CHST9: variants seen among roughly 807,000 people sequenced by gnomAD.
The protein encoded by CHST9 is GalNAc-4-sulfotransferase 2.
Under a neutral mutation model 44.4 loss-of-function variants are expected in CHST9, and 41 were observed. The observed-to-expected ratio is 0.92, with a 90% confidence interval of 0.72 to 1.20. CHST9 has a LOEUF of 1.20. Ranked by LOEUF, CHST9 falls within the 50% of genes most tolerant of loss-of-function variation. CHST9 has a pLI of 0.00. For synonymous variants in CHST9, 171 were observed against 178.4 expected, an observed-to-expected ratio of 0.96 and a Z score of 0.33; for missense variants, 504 against 516.5, an observed-to-expected ratio of 0.98 and a Z score of 0.23.
At chr18:27,017,510 G>A (rs1290947295) in intron 4 of CHST9, among the ~76,000 whole-genome samples, 1 of 152,190 alleles carries the variant, frequency 6.6e-6, no homozygotes, top group Non-Finnish European at 1.5e-5. Flanking sequence ...AGTACATGCT[G>A]TGTGATTCCA....
chr18:27,081,843 A>G (rs1421869222), intron 2 of CHST9, among the ~76,000 whole-genome samples: 1 of 152,246 alleles, frequency 6.6e-6, no homozygotes, highest in Non-Finnish European at 1.5e-5. Flanking sequence ...GAACTGCCTG[A>G]AAATAGTCAG....
chr18:27,041,409 G>A (rs1361392476), intron 3 of CHST9, among the ~76,000 whole-genome samples: 1 of 152,102 alleles, frequency 6.6e-6, no homozygotes, highest in Admixed American at 6.6e-5. Flanking sequence ...AGTCAACACA[G>A]ATTAAAGTTT....
At position 26,916,460 on chromosome 18, in the gene CHST9, G is replaced by A; in HGVS notation, c.1131C>T (p.Ala377=). 1.2e-6 allele frequency: 2 copies of A among 1,613,570 alleles called. No homozygotes were observed. The highest frequency in any genetic ancestry group is 1.7e-6 in the Non-Finnish European group (2 of 1,179,670). The stretch of plus-strand genomic sequence containing the variant: ...CACCGATCATCTGTAAAAAGTAATT[G>A]GCATCTTCTTCCAAAGTCTCAAATT... The part of the protein sequence containing the change: ...VGKFETLEED[A]NYFLQMIGAP... Residue 377 remains alanine, a synonymous_variant, in exon 6 of 6, where the codon GCC becomes GCT. Coordinates refer to ENST00000618847, the MANE Select transcript of CHST9 (RefSeq NM_031422.6).
intron 4 of CHST9, among the ~76,000 whole-genome samples, chr18:26,988,499 C>T (rs1226565375): frequency 1.3e-5 from 2 of 152,072 alleles, no homozygotes; most frequent in Non-Finnish European, 2.9e-5. Context: ...AAGGACAAAA[C>T]AATGCTAAGT....
At chr18:27,156,048 G>A (rs1349364935) in intron 1 of CHST9, among the ~76,000 whole-genome samples, 1 of 151,800 alleles carries the variant, frequency 6.6e-6, no homozygotes, top group Non-Finnish European at 1.5e-5. Flanking sequence ...AACCGAGATA[G>A]GATATTATCA....
intron 2 of CHST9, among the ~76,000 whole-genome samples, chr18:27,131,171 C>A (rs1212292798): frequency 2.6e-5 from 4 of 152,192 alleles, no homozygotes; most frequent in Non-Finnish European, 4.4e-5. Flanking sequence ...TTGTTAATAT[C>A]TCTGTAAACT....
chr18:27,095,766 G>A (rs111436601), intron 2 of CHST9, among the ~76,000 whole-genome samples: 22 of 152,136 alleles, frequency 1.4e-4, no homozygotes, highest in African/African-American at 5.3e-4. Flanking sequence ...ACCTAAAATT[G>A]GAGCACCCAG....
chr18:26,994,244 C>T (rs531619884), intron 4 of CHST9, among the ~76,000 whole-genome samples: 1 of 152,176 alleles, frequency 6.6e-6, no homozygotes, highest in African/African-American at 2.4e-5. Context: ...AGATTTTACA[C>T]ATCAATGTAT....
At chr18:27,158,992 G>A (rs185129528) in intron 1 of CHST9, among the ~76,000 whole-genome samples, 48,158 of 151,888 alleles carry the variant, frequency 0.32, 8,271 homozygotes, top group Non-Finnish European at 0.39. Flanking sequence ...TGAGTTCTTT[G>A]TAGATTCTGG....
intron 4 of CHST9, among the ~76,000 whole-genome samples, chr18:26,966,937 T>A (rs2056472893): frequency 6.7e-6 from 1 of 149,930 alleles, no homozygotes; most frequent in Non-Finnish European, 1.5e-5. Flanking sequence ...GAAATTGACA[T>A]GATTTCCTAA....
intron 4 of CHST9, among the ~76,000 whole-genome samples, chr18:26,953,127 T>C (rs1034844331): frequency 5.9e-5 from 9 of 152,250 alleles, no homozygotes; most frequent in African/African-American, 2.2e-4. Flanking sequence ...ATCTGTATTG[T>C]ACTATCTATT....
At chr18:27,050,938 TG>T (rs2057559301) in intron 2 of CHST9, among the ~76,000 whole-genome samples, 1 of 152,218 alleles carries the variant, frequency 6.6e-6, no homozygotes, top group South Asian at 2.1e-4. Flanking sequence ...TTCTGAAAGT[TG>T]GAAGTGTATG....
intron 2 of CHST9, among the ~76,000 whole-genome samples, chr18:27,125,236 C>T (rs1215799791): frequency 6.6e-6 from 1 of 152,098 alleles, no homozygotes; most frequent in Non-Finnish European, 1.5e-5. Context: ...CTAATTTATA[C>T]AAACTAGCTA....
chr18:26,936,692 G>A (rs1028695535), intron 5 of CHST9: 2 of 152,048 alleles, frequency 1.3e-5, no homozygotes, highest in African/African-American at 4.8e-5. Context: ...CAGTTACTCA[G>A]TTCATCTTCT....
chr18:26,973,444 T>C (rs990148193), intron 4 of CHST9, among the ~76,000 whole-genome samples: 3 of 152,304 alleles, frequency 2.0e-5, no homozygotes, highest in African/African-American at 4.8e-5. Context: ...CGGGTTCAAG[T>C]AGTCTCATAA....
At chr18:27,065,222 A>C (rs1480351882) in intron 2 of CHST9, among the ~76,000 whole-genome samples, 2 of 152,222 alleles carry the variant, frequency 1.3e-5, no homozygotes, top group Non-Finnish European at 2.9e-5. Flanking sequence ...GGAATGTAAG[A>C]ATCTTCGAGG....
intron 1 of CHST9, among the ~76,000 whole-genome samples, chr18:27,155,764 G>A (rs2058694361): frequency 6.6e-6 from 1 of 152,092 alleles, no homozygotes; most frequent in African/African-American, 2.4e-5. Flanking sequence ...ATTCTAGTTT[G>A]TTAATACCTT....
At chr18:27,106,782 A>T (rs1292177375) in intron 2 of CHST9, among the ~76,000 whole-genome samples, 1 of 152,214 alleles carries the variant, frequency 6.6e-6, no homozygotes, top group Non-Finnish European at 1.5e-5. Flanking sequence ...TTCACAATGA[A>T]CAATTTACCA....
chr18:27,153,572 G>GTGTA (rs1472260892), intron 1 of CHST9, among the ~76,000 whole-genome samples: 13 of 150,444 alleles, frequency 8.6e-5, no homozygotes, highest in South Asian at 6.3e-4. Context: ...GTGTGTATGT[G>GTGTA]TGTGTGTGTG....
Sources: allele counts gnomAD v4.1 joint callset (sites outside exome capture counted in the v4.1 genomes callset), GRCh38; gene constraint gnomAD v4.1.1; transcripts MANE v1.5; gene names NCBI Gene and HGNC (gene_info 2026-07-23, HGNC 2026-07-21).